PIP4P2: variants seen among roughly 807,000 people sequenced by gnomAD.
PIP4P2 encodes the protein type 2 phosphatidylinositol 4,5-bisphosphate 4-phosphatase.
Under a neutral mutation model 33.3 loss-of-function variants are expected in PIP4P2, and 19 were observed. The ratio of observed to expected loss-of-function variants is 0.57; its 90% CI spans 0.40 to 0.84. The LOEUF (loss-of-function observed/expected upper bound fraction) is 0.84, where lower values mean the gene tolerates loss of function less well. PIP4P2 is among the 40% of genes least tolerant of loss of function. The probability of loss-of-function intolerance (pLI) is 0.00; values close to 1 mark genes in which losing one functional copy is unlikely to be tolerated. For missense variants in PIP4P2, 270 were observed against 324.7 expected, an observed-to-expected ratio of 0.83 and a Z score of 1.29; for synonymous variants, 110 against 111.9, an observed-to-expected ratio of 0.98 and a Z score of 0.11.
intron 5 of PIP4P2, among the ~76,000 whole-genome samples, chr8:91,001,984 A>G (rs1811705400): frequency 6.6e-6 from 1 of 152,108 alleles, no homozygotes; most frequent in African/African-American, 2.4e-5. Flanking sequence ...ACCTAAATTC[A>G]CTGTTCTTAT....
intron 1 of PIP4P2, among the ~76,000 whole-genome samples, chr8:91,028,812 C>G (rs143427753): frequency 6.6e-6 from 1 of 152,156 alleles, no homozygotes; most frequent in African/African-American, 2.4e-5. Context: ...CTAAATTTGA[C>G]GGCTGCTTCA....
intron 1 of PIP4P2, among the ~76,000 whole-genome samples, chr8:91,029,012 G>A (rs1211366248): frequency 6.6e-6 from 1 of 152,070 alleles, no homozygotes; most frequent in Non-Finnish European, 1.5e-5. Flanking sequence ...AGAAATTATG[G>A]CTGGGCACAG....
intron 1 of PIP4P2, among the ~76,000 whole-genome samples, chr8:91,039,474 A>T (rs1563571263): frequency 6.6e-6 from 1 of 152,240 alleles, no homozygotes; most frequent in Admixed American, 6.5e-5. Context: ...AAAATGTTAA[A>T]TAGAAATTTT....
rs986844152 is a variant in PIP4P2 at position 90,995,187 on chromosome 8, A to T, written c.*490T>A. 3.9e-5 allele frequency: 6 copies of T among 151,982 alleles called. No individual in the cohort carries two copies. The highest frequency in any genetic ancestry group is 8.8e-5 in the Non-Finnish European group (6 of 67,882). 9.4% of individuals were successfully genotyped at this position (151,982 alleles called of 1,614,324 possible). ...ACACTAAATTTTTTTTTTTTTCCTG[A>T]ATAAGGTCACTATAATCTTAGGTTA... On this transcript the variant is annotated 3_prime_UTR_variant, in exon 7 of 7. Transcript: ENST00000285419.
intron 5 of PIP4P2, 34 bp from the exon 6 acceptor site, chr8:90,996,778 G>A (rs1811634657): frequency 1.3e-6 from 2 of 1,519,758 alleles, no homozygotes; most frequent in South Asian, 1.2e-5. Flanking sequence ...AGAACATTAA[G>A]TATTTACATA....
intron 1 of PIP4P2, among the ~76,000 whole-genome samples, chr8:91,030,966 G>GAA (rs1812155571): frequency 6.6e-6 from 1 of 152,174 alleles, no homozygotes. Flanking sequence ...GTAAGGTCTT[G>GAA]AATCTGGGTA....
intron 5 of PIP4P2, among the ~76,000 whole-genome samples, chr8:91,002,412 G>A (rs1035274662): frequency 1.2e-4 from 19 of 152,134 alleles, no homozygotes; most frequent in South Asian, 4.1e-4. Flanking sequence ...TTAATCTTTC[G>A]CTTCACAAAA....
intron 4 of PIP4P2, among the ~76,000 whole-genome samples, chr8:91,016,377 C>T (rs983697403): frequency 8.6e-5 from 13 of 151,722 alleles, no homozygotes; most frequent in South Asian, 4.2e-4. Flanking sequence ...AAGACCCTCA[C>T]GAAGACATAG....
chr8:91,024,724 G>C (rs992804481), intron 1 of PIP4P2, among the ~76,000 whole-genome samples: 3 of 152,096 alleles, frequency 2.0e-5, no homozygotes, highest in Non-Finnish European at 4.4e-5. Flanking sequence ...TTTTGGAAAA[G>C]TCTTACTTGT....
intron 4 of PIP4P2, among the ~76,000 whole-genome samples, chr8:91,015,091 G>C (rs573829444): frequency 6.6e-6 from 1 of 152,204 alleles, no homozygotes; most frequent in South Asian, 2.1e-4. Context: ...CGAATAAAAA[G>C]TCACTCTAAA....
At chr8:91,004,758 C>T (rs139074816) in intron 5 of PIP4P2, among the ~76,000 whole-genome samples, 104 of 151,824 alleles carry the variant, frequency 6.9e-4, no homozygotes, top group African/African-American at 1.2e-3. Flanking sequence ...GACAGGTTTA[C>T]GAGTATGAAA....
chr8:91,024,140 T>C (rs982595027), intron 1 of PIP4P2: 1 of 218,394 alleles, frequency 4.6e-6, no homozygotes, highest in Non-Finnish European at 9.6e-6. Context: ...AAGAGATCAA[T>C]AGAATGACAG....
At chr8:91,038,996 A>G (rs1333780011) in intron 1 of PIP4P2, among the ~76,000 whole-genome samples, 1 of 152,206 alleles carries the variant, frequency 6.6e-6, no homozygotes, top group Non-Finnish European at 1.5e-5. Flanking sequence ...AAATATATGG[A>G]AAATAATAAA....
chr8:91,006,138 A>G (rs1464850393), intron 5 of PIP4P2, among the ~76,000 whole-genome samples: 1 of 152,258 alleles, frequency 6.6e-6, no homozygotes, highest in Non-Finnish European at 1.5e-5. Flanking sequence ...ATTCTGTCTC[A>G]GAATCTTACT....
At chr8:91,031,027 A>G (rs527583292) in intron 1 of PIP4P2, among the ~76,000 whole-genome samples, 22 of 152,252 alleles carry the variant, frequency 1.4e-4, no homozygotes, top group African/African-American at 4.3e-4. Context: ...ATTATATTTG[A>G]CTTTTGAAGC....
At chr8:91,008,984 G>C (rs1811796307) in intron 4 of PIP4P2, among the ~76,000 whole-genome samples, 189 bp from the exon 5 acceptor site, 1 of 152,122 alleles carries the variant, frequency 6.6e-6, no homozygotes, top group Non-Finnish European at 1.5e-5. Flanking sequence ...ATCCTCCTCT[G>C]AAATAGTTCC....
intron 4 of PIP4P2, among the ~76,000 whole-genome samples, chr8:91,013,458 A>C (rs970802426): frequency 6.6e-6 from 1 of 152,222 alleles, no homozygotes; most frequent in African/African-American, 2.4e-5. Flanking sequence ...TATGCTTTAT[A>C]TATTTAATTT....
Position 90,995,558 on chromosome 8 carries a change from G to A in PIP4P2, c.*119C>T. Reference sequence around the variant, plus strand: ...GTTCATAAAAGACTCCCAAAGTCTTGAAACGATTATACATAAACCAGAATG... The same window carrying A: ...GTTCATAAAAGACTCCCAAAGTCTTAAAACGATTATACATAAACCAGAATG... On this transcript the variant is annotated 3_prime_UTR_variant, in exon 7 of 7. Transcript: ENST00000285419. 2.4e-6 allele frequency: 3 copies of A among 1,275,840 alleles called. No homozygotes were observed. The highest frequency in any genetic ancestry group is 3.1e-6 in the Non-Finnish European group (3 of 970,238). 79.0% of individuals were successfully genotyped at this position (1,275,840 alleles called of 1,614,324 possible). A position where few individuals can be genotyped will look rare whatever the true frequency, so the allele number is the denominator to read the frequency against.
At chr8:91,014,155 G>A (rs571486490) in intron 4 of PIP4P2, among the ~76,000 whole-genome samples, 6 of 152,120 alleles carry the variant, frequency 3.9e-5, no homozygotes, top group Admixed American at 1.3e-4. Flanking sequence ...CTCACTTAGC[G>A]AAAGGGATGT....
Sources: allele counts gnomAD v4.1 joint callset (sites outside exome capture counted in the v4.1 genomes callset), GRCh38; gene constraint gnomAD v4.1.1; transcripts MANE v1.5; gene names NCBI Gene and HGNC (gene_info 2026-07-23, HGNC 2026-07-21).